TAPT1: variants seen among roughly 807,000 people sequenced by gnomAD.
The protein encoded by TAPT1 is transmembrane anterior posterior transformation 1.
In TAPT1, 28 loss-of-function variants were observed where a neutral mutation model predicts 65.6. That is an observed-to-expected ratio of 0.43 (90% CI 0.32 to 0.59). The LOEUF (loss-of-function observed/expected upper bound fraction) is 0.59. TAPT1 is among the 20% of genes least tolerant of loss of function. The pLI is 0.09. For missense variants in TAPT1, 563 were observed against 679.9 expected, an observed-to-expected ratio of 0.83 and a Z score of 1.91; for synonymous variants, 278 against 245.2, an observed-to-expected ratio of 1.13 and a Z score of -1.25.
rs536812566 is a variant in TAPT1, at chr4:16,204,658, A to G, written c.331-2078T>C. ...CAGGTTCTGGGCAACGCAACCGGGC[A>G]CTGGCCAGGTGCTGGGCTTGGGCCC... On this transcript the variant is annotated intron_variant, in intron 2 of 13. Coordinates refer to ENST00000405303, the MANE Select transcript of TAPT1 (RefSeq NM_153365.3). 6.2e-4 allele frequency among the ~76,000 whole-genome samples: 95 copies of G among 152,354 alleles called. 1 individual carries two copies. The highest frequency in any genetic ancestry group is 2.1e-3 in the African/African-American group (88 of 41,588).
rs1749135191 is a variant in TAPT1, at chr4:16,188,172, AG to A, written c.748+47del. 7 of 1,513,244 alleles carry A rather than the reference AG, an allele frequency of 4.6e-6. No individual in the cohort carries two copies. The African/African-American group carries it at 8.4e-5, about 18-fold the overall frequency. 93.7% of individuals were successfully genotyped at this position (1,513,244 alleles called of 1,614,324 possible). A position where few individuals can be genotyped will look rare whatever the true frequency, so the allele number is the denominator to read the frequency against. On this transcript the variant is annotated intron_variant, in intron 5 of 13. Coordinates refer to ENST00000405303, the MANE Select transcript of TAPT1 (RefSeq NM_153365.3). ...AATGGCTAACCAAATAAAATAAGGT[AG>A]ACTATGCATTAACTGTCGGAAATTT...
chr4:16,166,738 A>G lies in TAPT1; in HGVS notation c.1369T>C (p.Tyr457His). The G allele has an allele frequency of 6.2e-7, 1 of 1,613,948 alleles. No individual in the cohort carries two copies. The highest frequency in any genetic ancestry group is 1.1e-5 in the South Asian group (1 of 91,078). Residue 457 changes from tyrosine to histidine, a missense_variant, in exon 13 of 14, where the codon TAT becomes CAT. By Grantham distance (83) the Tyr-to-His change is moderately conservative. This residue lies in a region of TAPT1 where 136 missense variants were observed against 153.9 expected (regional missense o/e 0.88). Coordinates refer to ENST00000405303, the MANE Select transcript of TAPT1 (RefSeq NM_153365.3). The stretch of plus-strand genomic sequence containing the variant: ...TCTTCCATTTTGGCTTCCTTCACAT[A>G]CTGGCACGATTTCCCCAACAGCACG... The part of the protein sequence containing the change: ...SIVLLGKSCQ[Y>H]VKEAKMEEKL...
intron 2 of TAPT1, among the ~76,000 whole-genome samples, chr4:16,208,170 G>A (rs1378033503): frequency 5.3e-5 from 8 of 152,182 alleles, no homozygotes; most frequent in Non-Finnish European, 1.0e-4. Flanking sequence ...TTATGTAATT[G>A]TAGAATTAAA....
rs762061324 is a variant in TAPT1, at chr4:16,166,630, T to G, written c.1474+3A>C. 2 of 1,613,274 alleles carry G rather than the reference T, an allele frequency of 1.2e-6. No individual in the cohort carries two copies. The highest frequency in any genetic ancestry group is 1.3e-5 in the African/African-American group (1 of 75,048). On this transcript the variant is annotated splice_donor_region_variant and intron_variant, in intron 13 of 13. Transcript: ENST00000405303. ...GGGAAGTGAAGAAAGGGACCAAACCTACCTTGAGAGGGTTTACATTTGTTC... is the reference window on the plus strand; with the variant it reads ...GGGAAGTGAAGAAAGGGACCAAACCGACCTTGAGAGGGTTTACATTTGTTC...
chr4:16,227,002 CG>C (rs1751622448), upstream of TAPT1: 1 of 443,076 alleles, frequency 2.3e-6, no homozygotes, highest in South Asian at 1.6e-5. Flanking sequence ...GCCGCGGCGG[CG>C]GGGGCCCGGC....
At chr4:16,165,462 C>T (rs759736942) in intron 13 of TAPT1, among the ~76,000 whole-genome samples, 19 of 150,640 alleles carry the variant, frequency 1.3e-4, no homozygotes, top group Non-Finnish European at 1.6e-4. Flanking sequence ...CCCAGCTACT[C>T]GAGAGGCCGA....
At position 16,168,701 on chromosome 4, in the gene TAPT1, T is replaced by C. The variant is rs574563984; in HGVS notation, c.1314-1908A>G. 2.6e-5 allele frequency among the ~76,000 whole-genome samples: 4 copies of C among 152,366 alleles called. No individual in the cohort carries two copies. In the East Asian group the frequency reaches 5.8e-4, roughly 22 times the overall value. On this transcript the variant is annotated intron_variant, in intron 12 of 13. Coordinates refer to ENST00000405303, the MANE Select transcript of TAPT1 (RefSeq NM_153365.3). ...CCTAATGATTCCTACCAACTGTCAA[T>C]AGAGTGACTTGTTTTTCTAGTTGTT...
At chr4:16,210,547 A>T (rs1350618135) in intron 2 of TAPT1, among the ~76,000 whole-genome samples, 1 of 152,230 alleles carries the variant, frequency 6.6e-6, no homozygotes, top group Non-Finnish European at 1.5e-5. Flanking sequence ...CATGCTTACC[A>T]TATAATTAAT....
intron 3 of TAPT1, among the ~76,000 whole-genome samples, chr4:16,198,911 C>T (rs994280034): frequency 1.3e-5 from 2 of 152,098 alleles, no homozygotes; most frequent in South Asian, 2.1e-4. Context: ...TTTCAAGTTT[C>T]GTGACTTTAA....
chr4:16,172,702 T>C (rs1021269299), intron 11 of TAPT1, among the ~76,000 whole-genome samples: 1 of 152,244 alleles, frequency 6.6e-6, no homozygotes. Context: ...GTCTAAAACA[T>C]AGCTGGTATG....
chr4:16,203,018 G>A (rs987047317), intron 2 of TAPT1, among the ~76,000 whole-genome samples: 6 of 152,114 alleles, frequency 3.9e-5, no homozygotes, highest in African/African-American at 1.4e-4. Context: ...ACAATTTCAT[G>A]TGCACTGAAA....
rs1751566906 is a variant in TAPT1 at position 16,226,401 on chromosome 4, G to C, written c.57C>G (p.Asp19Glu). ...APGEGGGGGV[D>E]GPQRDGRGEA... ...CGCCGCGGCCGTCCCGCTGCGGGCC[G>C]TCCACGCCGCCACCGCCGCCTTCTC... The change falls in exon 1 of 14, where the codon GAC (aspartate) becomes GAG (glutamate). Residue 19 changes from aspartate (D) to glutamate (E), a missense_variant. Physicochemically the swap from Asp to Glu is conservative, Grantham distance 45. Around this residue, in one of 5 missense-constraint regions of TAPT1, gnomAD observed 103 missense variants for 89.4 expected, o/e 1.15. Transcript: ENST00000405303. 3 of 1,093,236 alleles carry C rather than the reference G, an allele frequency of 2.7e-6. No homozygotes were observed. Among genetic ancestry groups the C allele is most frequent in the African/African-American group, 3.4e-5 (2 of 59,296 alleles). 67.7% of individuals were successfully genotyped at this position (1,093,236 alleles called of 1,614,324 possible).
intron 2 of TAPT1, among the ~76,000 whole-genome samples, chr4:16,206,267 T>C (rs1750337428): frequency 6.6e-6 from 1 of 152,252 alleles, no homozygotes; most frequent in Non-Finnish European, 1.5e-5. Flanking sequence ...CAATTGATTT[T>C]AATTTGTAGG....
chr4:16,184,386 T>C (rs747770123), intron 7 of TAPT1, among the ~76,000 whole-genome samples: 1 of 152,222 alleles, frequency 6.6e-6, no homozygotes, highest in Non-Finnish European at 1.5e-5. Flanking sequence ...TTCTATGGTA[T>C]GGATATACAG....
intron 9 of TAPT1, 120 bp downstream of exon 9, chr4:16,175,999 G>C: frequency 1.8e-6 from 1 of 553,430 alleles, no homozygotes; most frequent in Non-Finnish European, 3.1e-6. Flanking sequence ...ATAATTTTTA[G>C]AAACTTAAAA....
chr4:16,223,612 T>C (rs138740474), intron 1 of TAPT1, among the ~76,000 whole-genome samples: 41 of 152,308 alleles, frequency 2.7e-4, no homozygotes, highest in African/African-American at 9.1e-4. Flanking sequence ...AGGCTAAATA[T>C]AAGTCAGAAC....
At chr4:16,214,923 T>C (rs1315816194) in intron 1 of TAPT1, among the ~76,000 whole-genome samples, 1 of 152,208 alleles carries the variant, frequency 6.6e-6, no homozygotes, top group Admixed American at 6.5e-5. Flanking sequence ...TTTATGCAGA[T>C]CTACTTAAGG....
At chr4:16,208,958 G>C (rs1193014012) in intron 2 of TAPT1, among the ~76,000 whole-genome samples, 1 of 152,074 alleles carries the variant, frequency 6.6e-6, no homozygotes, top group Non-Finnish European at 1.5e-5. Context: ...CTGCCTCTGG[G>C]GCTCAAGCAA....
At chr4:16,204,513 T>C (rs1424781948) in intron 2 of TAPT1, among the ~76,000 whole-genome samples, 2 of 152,268 alleles carry the variant, frequency 1.3e-5, no homozygotes, top group Non-Finnish European at 2.9e-5. Flanking sequence ...TTAATTAATA[T>C]CTTCAGGTAC....
Sources: gnomAD v4.1 joint callset for allele counts (sites outside exome capture counted in the v4.1 genomes callset) on GRCh38, gnomAD v4.1.1 for gene constraint, gnomAD v4.1.1 regional missense constraint, MANE v1.5 for transcripts, NCBI Gene and HGNC (gene_info 2026-07-23, HGNC 2026-07-21) for gene names.